The following TENM3 variants were observed in gnomAD, a reference collection of about 807,000 sequenced individuals.
TENM3 encodes teneurin transmembrane protein 3.
Under a neutral mutation model 255.1 loss-of-function variants are expected in TENM3, and 63 were observed. The ratio of observed to expected loss-of-function variants is 0.25; its 90% confidence interval spans 0.20 to 0.30. The LOEUF (loss-of-function observed/expected upper bound fraction) is 0.30, where lower values mean the gene tolerates loss of function less well. Ranked by LOEUF, TENM3 falls within the 10% of genes least tolerant of loss-of-function variation. The pLI is 1.00. For missense variants in TENM3, 2,929 were observed against 3,461.1 expected, an observed-to-expected ratio of 0.85 and a Z score of 3.86; for synonymous variants, 1,306 against 1,322.3, an observed-to-expected ratio of 0.99 and a Z score of 0.27.
the TENM3 span, among the ~76,000 whole-genome samples, chr4:181,461,980 G>A: frequency 1.3e-5 from 2 of 152,222 alleles, no homozygotes; most frequent in Non-Finnish European, 2.9e-5. Context: ...TCTGTTGTAC[G>A]TATTCCTTTC....
the TENM3 span, among the ~76,000 whole-genome samples, chr4:182,008,908 G>A: frequency 6.6e-6 from 1 of 151,972 alleles, no homozygotes; most frequent in Non-Finnish European, 1.5e-5. Flanking sequence ...GTGTTTTTGT[G>A]GGGACTTTTT....
the TENM3 span, among the ~76,000 whole-genome samples, chr4:181,762,077 C>T: frequency 3.3e-5 from 5 of 152,120 alleles, no homozygotes; most frequent in African/African-American, 9.7e-5. Context: ...CCAACCACTC[C>T]GTCAATATCA....
At chr4:182,117,822 C>CA in the TENM3 span, among the ~76,000 whole-genome samples, 7,405 of 151,988 alleles carry the variant, frequency 0.049, 337 homozygotes, top group East Asian at 0.17. Flanking sequence ...AAGTTATGCA[C>CA]AAAAAAACTT....
At chr4:182,554,986 CTT>C (rs1742439142) in intron 3 of TENM3, among the ~76,000 whole-genome samples, 1 of 151,318 alleles carries the variant, frequency 6.6e-6, no homozygotes, top group African/African-American at 2.4e-5. Flanking sequence ...ATTGTGGTCT[CTT>C]TATTTGTCAT....
the TENM3 span, among the ~76,000 whole-genome samples, chr4:181,488,240 CTA>C: frequency 6.6e-6 from 1 of 152,232 alleles, no homozygotes; most frequent in Admixed American, 6.5e-5. Flanking sequence ...ACGTCATACA[CTA>C]TGTGTCCATA....
the TENM3 span, among the ~76,000 whole-genome samples, chr4:182,014,741 G>A: frequency 6.6e-6 from 1 of 152,150 alleles, no homozygotes; most frequent in Non-Finnish European, 1.5e-5. Flanking sequence ...CTAAACCTTA[G>A]GAAGCTGGTC....
At chr4:181,612,402 GTACA>G in the TENM3 span, among the ~76,000 whole-genome samples, 1 of 151,970 alleles carries the variant, frequency 6.6e-6, no homozygotes, top group South Asian at 2.1e-4. Context: ...ATCAAATGAG[GTACA>G]GAACATGGTA....
Position 182,799,680 on chromosome 4 carries a change from C to T in TENM3, c.7429C>T (p.Arg2477Trp), listed in dbSNP as rs1179164428. Residue 2477 changes from arginine (R) to tryptophan (W), a missense_variant, in exon 28 of 28, where the codon CGG becomes TGG. Physicochemically the swap from Arg to Trp is moderately radical, Grantham distance 101. This residue lies in a region of TENM3 where 476 missense variants were observed against 480.1 expected (regional missense o/e 0.99). Coordinates refer to ENST00000511685, the MANE Select transcript of TENM3 (RefSeq NM_001080477.4). This position sits in a 1 kb window ranked among gnomAD's most constrained non-coding sequence, Gnocchi z 4.2. ...LGKMAEVQVS[R>W]RRAGGAQSWL... is the part of the protein sequence containing the mutation. ...GAAGATGGCCGAGGTGCAGGTGAGC[C>T]GGCGCCGGGCCGGCGGCGCGCAGTC... 1.3e-6 allele frequency: 2 copies of T among 1,548,810 alleles called. No individual in the cohort carries two copies. The highest frequency in any genetic ancestry group is 1.2e-5 in the South Asian group (1 of 84,004).
At position 182,789,514 on chromosome 4, in the gene TENM3, T is replaced by C. The variant is rs896501873; in HGVS notation, c.5601+125T>C. The stretch of plus-strand genomic sequence containing the variant: ...TGAGTTCCATTTGTTATTCGAAGTA[T>C]CAATACGGAAGTCACATTGGCACAG... On this transcript the variant is annotated intron_variant, in intron 25 of 27. Coordinates refer to ENST00000511685, the MANE Select transcript of TENM3 (RefSeq NM_001080477.4). This position sits in a 1 kb window ranked among gnomAD's most constrained non-coding sequence, Gnocchi z 4.4. 1.1e-6 allele frequency: 1 copy of C among 935,210 alleles called. No homozygotes were observed. The highest frequency in any genetic ancestry group is 1.6e-6 in the Non-Finnish European group (1 of 631,310). The allele number at this position is 935,210 out of a possible 1,614,324, so 57.9% of individuals were successfully genotyped here.
chr4:182,633,093 C>T (rs1751532492), intron 5 of TENM3, among the ~76,000 whole-genome samples: 1 of 151,956 alleles, frequency 6.6e-6, no homozygotes, highest in South Asian at 2.1e-4. Flanking sequence ...CCATGCCCAG[C>T]TAATTGTTTT....
At chr4:182,031,026 T>A in the TENM3 span, among the ~76,000 whole-genome samples, 3 of 152,242 alleles carry the variant, frequency 2.0e-5, no homozygotes, top group African/African-American at 7.2e-5. Context: ...TGATGATAGT[T>A]TCTTTTGCTG....
Position 182,800,339 on chromosome 4 carries a change from C to T in TENM3, c.8088C>T (p.Ile2696=), listed in dbSNP as rs752922208. 1.6e-5 allele frequency: 25 copies of T among 1,579,758 alleles called. No homozygotes were observed. The highest frequency in any genetic ancestry group is 2.0e-5 in the Non-Finnish European group (24 of 1,171,714). Residue 2696 remains isoleucine, a synonymous_variant, in exon 28 of 28, where the codon ATC becomes ATT. Coordinates refer to ENST00000511685, the MANE Select transcript of TENM3 (RefSeq NM_001080477.4). Reference sequence around the variant, plus strand: ...TCCAGTTCCTGCGGCAGAGCGAGATCGGCAGGAGGTAACGCCCGGGCCGCG... The same window carrying T: ...TCCAGTTCCTGCGGCAGAGCGAGATTGGCAGGAGGTAACGCCCGGGCCGCG... ...NNIQFLRQSE[I]GRR
chr4:182,529,222 A>C (rs1739530829), intron 3 of TENM3, among the ~76,000 whole-genome samples: 1 of 152,130 alleles, frequency 6.6e-6, no homozygotes. Flanking sequence ...GTTGGGAGGG[A>C]GGGCGGAGAA....
At chr4:181,783,348 T>A in the TENM3 span, among the ~76,000 whole-genome samples, 1 of 152,192 alleles carries the variant, frequency 6.6e-6, no homozygotes, top group Non-Finnish European at 1.5e-5. Flanking sequence ...GCCAGGTGCC[T>A]GTCTCTATCT....
In TENM3 at chr4:182,767,691, GTTAA is replaced by G. The variant is rs576647321; in HGVS notation, c.4893-5776_4893-5773del. Among the ~76,000 whole-genome samples the G allele has an allele frequency of 1.5e-3, 235 of 152,264 alleles. 2 individuals carry two copies. The highest frequency in any genetic ancestry group is 2.8e-3 in the Non-Finnish European group (193 of 68,028). Reference sequence around the variant, plus strand: ...TATAGTGAAAGTGGGAGAAAGATGGGTTAATTAAGTCCTTCATGTGAGTTCTTAC... The same window carrying G: ...TATAGTGAAAGTGGGAGAAAGATGGGTTAAGTCCTTCATGTGAGTTCTTAC... On this transcript the variant is annotated intron_variant, in intron 22 of 27. Coordinates refer to ENST00000511685, the MANE Select transcript of TENM3 (RefSeq NM_001080477.4).
the TENM3 span, among the ~76,000 whole-genome samples, chr4:181,805,353 A>G: frequency 2.0e-5 from 3 of 150,990 alleles, no homozygotes; most frequent in Admixed American, 6.6e-5. Flanking sequence ...GGCCACCTCT[A>G]CCTCCCTGCG....
chr4:182,294,373 A>T (rs1761332465), intron 1 of TENM3, among the ~76,000 whole-genome samples: 2 of 152,182 alleles, frequency 1.3e-5, no homozygotes, highest in Non-Finnish European at 2.9e-5. Context: ...GGCTGCCCTG[A>T]AACATTCAAT....
intron 26 of TENM3, among the ~76,000 whole-genome samples, chr4:182,794,621 G>C (rs1766358187): frequency 6.6e-6 from 1 of 152,290 alleles, no homozygotes; most frequent in East Asian, 1.9e-4. Flanking sequence ...AATACTAATA[G>C]GCATACTAAT....
At chr4:181,606,119 AC>A in the TENM3 span, among the ~76,000 whole-genome samples, 3 of 151,928 alleles carry the variant, frequency 2.0e-5, no homozygotes, top group Non-Finnish European at 4.4e-5. Context: ...TCCTATATAC[AC>A]CTGCTTTGCT....
Sources: allele counts gnomAD v4.1 joint callset (sites outside exome capture counted in the v4.1 genomes callset), GRCh38; gene constraint gnomAD v4.1.1; regional missense constraint gnomAD v4.1.1; non-coding constraint Gnocchi (gnomAD v3.1); transcripts MANE v1.5; gene names NCBI Gene and HGNC (gene_info 2026-07-23, HGNC 2026-07-21).